The following TTC4 variants were observed in gnomAD, a reference collection of about 807,000 sequenced individuals.
TTC4 encodes the protein hsp70/Hsp90 co-chaperone CNS1 homolog.
In TTC4, 36 loss-of-function variants were observed where a neutral mutation model predicts 51.9. The observed-to-expected ratio is 0.69, with a 90% CI of 0.53 to 0.92. The LOEUF (loss-of-function observed/expected upper bound fraction) is 0.92. TTC4 is among the 40% of genes least tolerant of loss of function. The pLI, the probability that TTC4 is intolerant of heterozygous loss-of-function variation, is 0.00. For missense variants in TTC4, 399 were observed against 454.6 expected (o/e 0.88, Z 1.11); for synonymous variants, 144 against 164.2 (o/e 0.88, Z 0.94).
At chr1:54,737,547 T>C in intron 8 of TTC4, 35 bp from the exon 9 acceptor site, 1 of 1,606,530 alleles carries the variant, frequency 6.2e-7, no homozygotes, top group Non-Finnish European at 8.5e-7. Flanking sequence ...CCGAAGCCTT[T>C]ATCTCTGACT....
At chr1:54,734,852 C>A (rs1012429109) in intron 8 of TTC4, among the ~76,000 whole-genome samples, 8 of 152,146 alleles carry the variant, frequency 5.3e-5, no homozygotes, top group African/African-American at 1.9e-4. Context: ...GTATTTCCTA[C>A]ACAAAAGGAC....
chr1:54,738,660 CCTTTT>C (rs1208826466), intron 9 of TTC4, among the ~76,000 whole-genome samples: 2 of 130,066 alleles, frequency 1.5e-5, no homozygotes, highest in Non-Finnish European at 3.2e-5. Context: ...GCTAGGATGG[CCTTTT>C]TTTTTTTTTT....
At chr1:54,738,640 C>T (rs1411175509) in intron 9 of TTC4, among the ~76,000 whole-genome samples, 1 of 150,356 alleles carries the variant, frequency 6.7e-6, no homozygotes, top group Non-Finnish European at 1.5e-5. Flanking sequence ...GCTTTTTGTA[C>T]ATGAAGGCTG....
In TTC4 at chr1:54,717,624, C is replaced by T. The variant is rs1400141558; in HGVS notation, c.362C>T (p.Thr121Ile). ...CCTGATTTGAATGCTGTCCTTTATA[C>T]CAACCGGGCAGCAGCACAGTACTAT... ...ADPDLNAVLY[T>I]NRAAAQYYLG... The change falls in exon 3 of 10, where the codon ACC becomes ATC. Residue 121 changes from threonine (T) to isoleucine (I), a missense_variant. Thr to Ile is a moderately conservative substitution (Grantham distance 89). Transcript: ENST00000371281. 33 of 1,607,470 alleles carry T rather than the reference C, an allele frequency of 2.1e-5. No homozygotes were observed. Among genetic ancestry groups the T allele is most frequent in the Non-Finnish European group, 2.6e-5 (31 of 1,177,632 alleles).
chr1:54,732,559 G>A (rs1473603579), intron 7 of TTC4, among the ~76,000 whole-genome samples: 1 of 150,964 alleles, frequency 6.6e-6, no homozygotes, highest in African/African-American at 2.4e-5. Context: ...CCCAGGCTCA[G>A]GTGATCCTCC....
Position 54,731,568 on chromosome 1 carries a change from G to C in TTC4, c.764G>C (p.Gly255Ala), listed in dbSNP as rs757187674. The change falls in exon 7 of 10, where the codon GGA (glycine) becomes GCA (alanine). Residue 255 changes from glycine (G) to alanine (A), a missense_variant. Coordinates refer to ENST00000371281, the MANE Select transcript of TTC4 (RefSeq NM_004623.5). ...GGTCTAGGTGAGCTTTTCCTGGATG[G>C]ACTCAGCACTGAGAACCCCCATGGA... ...SEGLGELFLD[G>A]LSTENPHGAR... 6.2e-7 allele frequency: 1 copy of C among 1,614,084 alleles called. No individual in the cohort carries two copies. Among genetic ancestry groups the C allele is most frequent in the African/African-American group, 1.3e-5 (1 of 75,040 alleles).
rs1557740888 is a variant in TTC4 at position 54,717,627 on chromosome 1, AC to A, written c.367del (p.Arg123GlyfsTer18). Reference sequence around the variant, plus strand: ...GATTTGAATGCTGTCCTTTATACCAACCGGGCAGCAGCACAGTACTATCTGG... The same window carrying A: ...GATTTGAATGCTGTCCTTTATACCAACGGGCAGCAGCACAGTACTATCTGG... ...DPDLNAVLYT[N>X]RAAAQYYLGN... On this transcript the variant is annotated frameshift_variant, in exon 3 of 10. Transcript: ENST00000371281. LOFTEE classifies it high-confidence loss of function. The A allele has an allele frequency of 6.2e-7, 1 of 1,606,150 alleles. No homozygotes were observed. The highest frequency in any genetic ancestry group is 8.5e-7 in the Non-Finnish European group (1 of 1,177,128).
In TTC4 at chr1:54,737,778, T is replaced by G; in HGVS notation, c.1061+114T>G. On this transcript the variant is annotated intron_variant, in intron 9 of 9. Transcript: ENST00000371281. ...CTGGTCAGTTTATAAAGAAAAGAGG[T>G]TTAGTGGAGAACTCACAGTTCCACG... The G allele has an allele frequency of 4.6e-6, 5 of 1,083,326 alleles. No individual in the cohort carries two copies. In the South Asian group the frequency reaches 8.1e-5, roughly 18 times the overall value. 67.1% of individuals were successfully genotyped at this position (1,083,326 alleles called of 1,614,324 possible).
chr1:54,737,346 A>C, intron 8 of TTC4: 1 of 454,642 alleles, frequency 2.2e-6, no homozygotes, highest in Non-Finnish European at 4.0e-6. Context: ...AATGTTGGCA[A>C]GTTGTTGTTC....
intron 6 of TTC4, among the ~76,000 whole-genome samples, chr1:54,729,711 G>C (rs1384175592): frequency 6.6e-6 from 1 of 150,710 alleles, no homozygotes; most frequent in East Asian, 2.0e-4. Flanking sequence ...ATATCTGCTG[G>C]GAGATTATGG....
At position 54,715,972 on chromosome 1, in the gene TTC4, C is replaced by T; in HGVS notation, c.64C>T (p.Gln22Ter). The T allele has an allele frequency of 1.2e-6, 2 of 1,604,516 alleles. No individual in the cohort carries two copies. The highest frequency in any genetic ancestry group is 1.7e-6 in the Non-Finnish European group (2 of 1,175,656). The change falls in exon 1 of 10, where the codon CAG becomes TAG. Residue 22 changes from glutamine (Q) to a stop codon, truncating the protein, a stop_gained. Coordinates refer to ENST00000371281, the MANE Select transcript of TTC4 (RefSeq NM_004623.5). LOFTEE classifies it high-confidence loss of function. ...CATGGACTCGTTCCTGGAAAAGTTC[C>T]AGAGCCAGCCTTACCGTGGCGGCTT... ...DVMDSFLEKF[Q>*]SQPYRGGFHE...
chr1:54,727,055 CAAAA>C (rs56739564), intron 5 of TTC4, among the ~76,000 whole-genome samples: 2,191 of 102,944 alleles, frequency 0.021, 61 homozygotes, highest in African/African-American at 0.069. Flanking sequence ...TCATGAAAGA[CAAAA>C]AAAAAAAAAA....
intron 3 of TTC4, among the ~76,000 whole-genome samples, chr1:54,718,523 A>G (rs949629461): frequency 2.0e-5 from 3 of 152,000 alleles, no homozygotes; most frequent in African/African-American, 7.3e-5. Context: ...TTGGAATTAC[A>G]GGTGTGAGCC....
At position 54,733,616 on chromosome 1, in the gene TTC4, GT is replaced by G; in HGVS notation, c.897-9del. Reference sequence around the variant, plus strand: ...AGTTATTGATACCCAGAAAGTACATGTTTTATCCTTAGGTTTATTGATCATC... The same window carrying G: ...AGTTATTGATACCCAGAAAGTACATGTTTATCCTTAGGTTTATTGATCATC... On this transcript the variant is annotated splice_polypyrimidine_tract_variant and intron_variant, in intron 7 of 9. Coordinates refer to ENST00000371281, the MANE Select transcript of TTC4 (RefSeq NM_004623.5). 6.3e-7 allele frequency: 1 copy of G among 1,588,208 alleles called. No homozygotes were observed. Among genetic ancestry groups the G allele is most frequent in the Non-Finnish European group, 8.6e-7 (1 of 1,167,862 alleles).
chr1:54,733,050 G>A (rs1270592420), intron 7 of TTC4, among the ~76,000 whole-genome samples: 1 of 151,068 alleles, frequency 6.6e-6, no homozygotes. Context: ...TTGTTCCACT[G>A]TACTCCACAC....
chr1:54,717,386 T>C (rs1645688676), intron 2 of TTC4, 106 bp from the exon 3 acceptor site: 2 of 1,057,078 alleles, frequency 1.9e-6, no homozygotes, highest in Admixed American at 4.1e-5. Flanking sequence ...TATTGGTTTC[T>C]TCGCTTTGGT....
At chr1:54,737,746 C>T (rs1462112059) in intron 9 of TTC4, 82 bp downstream of exon 9, 2 of 1,370,182 alleles carry the variant, frequency 1.5e-6, no homozygotes, top group Non-Finnish European at 2.0e-6. Flanking sequence ...TAAAGACATA[C>T]CTGAGACTGG....
In TTC4 at chr1:54,742,321, T is replaced by C. The variant is rs1037648194; in HGVS notation, c.*808T>C. 1 of 152,594 alleles carries C rather than the reference T, an allele frequency of 6.6e-6. No homozygotes were observed. Among genetic ancestry groups the C allele is most frequent in the African/African-American group, 2.4e-5 (1 of 41,492 alleles). The allele number at this position is 152,594 out of a possible 1,614,324, so 9.5% of individuals were successfully genotyped here. A position where few individuals can be genotyped will look rare whatever the true frequency, so the allele number is the denominator to read the frequency against. ...TTATCCATCCTGACTTGTAGCTGTG[T>C]GACTTCTTGCAGTGCCCCCACCCCA... On this transcript the variant is annotated 3_prime_UTR_variant, in exon 10 of 10. Transcript: ENST00000371281.
intron 4 of TTC4, among the ~76,000 whole-genome samples, chr1:54,722,087 C>G (rs559646927): frequency 5.3e-4 from 80 of 151,966 alleles, no homozygotes; most frequent in Middle Eastern, 3.4e-3. Flanking sequence ...TGTGGAAAAC[C>G]TAAAGAGGCT....
Sources: allele counts gnomAD v4.1 joint callset (sites outside exome capture counted in the v4.1 genomes callset), GRCh38; gene constraint gnomAD v4.1.1; transcripts MANE v1.5; gene names NCBI Gene and HGNC (gene_info 2026-07-23, HGNC 2026-07-21).